The following CDH4 variants were observed in gnomAD, a reference collection of about 807,000 sequenced individuals.
CDH4 encodes the protein cadherin 4.
CDH4 carries 33 observed loss-of-function variants against 86.0 expected under a neutral mutation model. The observed-to-expected ratio is 0.38, with a 90% CI of 0.29 to 0.51. The LOEUF (loss-of-function observed/expected upper bound fraction) is 0.51. Ranked by LOEUF, CDH4 falls within the 20% of genes least tolerant of loss-of-function variation. The probability of loss-of-function intolerance (pLI) is 0.86; values close to 1 mark genes in which losing one functional copy is unlikely to be tolerated. For synonymous variants in CDH4, 555 were observed against 549.4 expected (o/e 1.01, Z -0.14); for missense variants, 1,114 against 1,307.4 (o/e 0.85, Z 2.28).
At chr20:61,389,658 G>A (rs1328209585) in intron 2 of CDH4, among the ~76,000 whole-genome samples, 2 of 152,178 alleles carry the variant, frequency 1.3e-5, no homozygotes, top group African/African-American at 4.8e-5. Context: ...GGAACACACG[G>A]CGATGTCTGG....
intron 2 of CDH4, among the ~76,000 whole-genome samples, chr20:61,583,768 A>G (rs957207496): frequency 3.3e-5 from 5 of 152,238 alleles, no homozygotes; most frequent in Non-Finnish European, 7.3e-5. Flanking sequence ...GCCTGCCCAC[A>G]TGTGTCTGCA....
In CDH4 at chr20:61,684,988, G is replaced by A. The variant is rs6121760; in HGVS notation, c.170-58575G>A. Among the ~76,000 whole-genome samples, 3,747 of 152,262 alleles carry A rather than the reference G, an allele frequency of 0.025. 71 individuals are homozygous for A. Among genetic ancestry groups the A allele is most frequent in the Non-Finnish European group, 0.041 (2,775 of 68,018 alleles). ...AGAGTTCCATGTATAGTGTAGAGTT[G>A]AGTATATGTTACAGAGAGCAACTGT... On this transcript the variant is annotated intron_variant, in intron 2 of 15. Coordinates refer to ENST00000614565, the MANE Select transcript of CDH4 (RefSeq NM_001794.5). The surrounding 1 kb of genome is among the most constrained non-coding windows in gnomAD (Gnocchi z 4.5).
At chr20:61,577,216 T>C (rs1208185455) in intron 2 of CDH4, among the ~76,000 whole-genome samples, 2 of 151,882 alleles carry the variant, frequency 1.3e-5, no homozygotes, top group Non-Finnish European at 2.9e-5. Context: ...GTTTGTGTGT[T>C]GAAGGATGAG....
rs949356347 is a variant in CDH4 at position 61,516,462 on chromosome 20, G to A, written c.170-227101G>A. On this transcript the variant is annotated intron_variant, in intron 2 of 15. Transcript: ENST00000614565. This position sits in a 1 kb window ranked among gnomAD's most constrained non-coding sequence, Gnocchi z 4.0. ...CGCTGCGGCTTCCATTTTACAGACC[G>A]GGAGGCAGAGCCCCAGAGGTCAAGC... 2.0e-5 allele frequency among the ~76,000 whole-genome samples: 3 copies of A among 152,094 alleles called. No individual in the cohort carries two copies. Among genetic ancestry groups the A allele is most frequent in the Admixed American group, 1.3e-4 (2 of 15,270 alleles).
At chr20:61,922,159 G>A (rs1421160580) in intron 9 of CDH4, among the ~76,000 whole-genome samples, 3 of 152,160 alleles carry the variant, frequency 2.0e-5, no homozygotes, top group Admixed American at 1.3e-4. Context: ...CAGATACTAC[G>A]CAATGAATAC....
At chr20:61,711,336 C>A (rs564921641) in intron 2 of CDH4, among the ~76,000 whole-genome samples, 1 of 152,334 alleles carries the variant, frequency 6.6e-6, no homozygotes, top group South Asian at 2.1e-4. Flanking sequence ...CTTCCCTTTA[C>A]AAATCACCCA....
chr20:61,281,745 C>T (rs1185022465), intron 2 of CDH4, among the ~76,000 whole-genome samples: 1 of 152,244 alleles, frequency 6.6e-6, no homozygotes, highest in Non-Finnish European at 1.5e-5. Context: ...GGCATTCCCG[C>T]CACCTCCTCC....
intron 2 of CDH4, among the ~76,000 whole-genome samples, chr20:61,726,176 T>C (rs977384224): frequency 6.6e-6 from 1 of 151,998 alleles, no homozygotes; most frequent in Non-Finnish European, 1.5e-5. Flanking sequence ...AACAAGTGTG[T>C]CTGGGTACCC....
rs913392376 is a variant in CDH4 at position 61,852,674 on chromosome 20, A to G, written c.733-80A>G. On this transcript the variant is annotated intron_variant, in intron 5 of 15. Coordinates refer to ENST00000614565, the MANE Select transcript of CDH4 (RefSeq NM_001794.5). Reference sequence around the variant, plus strand: ...GCTTCTGCCATCAGTCTCCTACCCCAGCACCGCGGGTCCCAGGCCGCTCTC... The same window carrying G: ...GCTTCTGCCATCAGTCTCCTACCCCGGCACCGCGGGTCCCAGGCCGCTCTC... The G allele has an allele frequency of 1.4e-5, 20 of 1,477,914 alleles. No individual in the cohort carries two copies. The Admixed American group carries it at 4.1e-4, about 30-fold the overall frequency. 91.6% of individuals were successfully genotyped at this position (1,477,914 alleles called of 1,614,324 possible).
chr20:61,870,314 C>G (rs1414452060), intron 6 of CDH4, among the ~76,000 whole-genome samples: 1 of 152,222 alleles, frequency 6.6e-6, no homozygotes, highest in Non-Finnish European at 1.5e-5. Context: ...CAGCTGGGCA[C>G]AGGGTGGGGA....
intron 2 of CDH4, among the ~76,000 whole-genome samples, chr20:61,642,267 C>G (rs2145803427): frequency 6.6e-6 from 1 of 152,282 alleles, no homozygotes; most frequent in East Asian, 1.9e-4. Flanking sequence ...GCAAAAGTGC[C>G]TGAGGCCCAC....
chr20:61,539,992 GC>G (rs2145654259), intron 2 of CDH4, among the ~76,000 whole-genome samples: 1 of 152,316 alleles, frequency 6.6e-6, no homozygotes, highest in East Asian at 1.9e-4. Context: ...CCTCCCCGAT[GC>G]CCGCAGCGTT....
chr20:61,681,180 A>G lies in CDH4; in HGVS notation c.170-62383A>G, dbSNP rs2087509095. Among the ~76,000 whole-genome samples, 1 of 152,168 alleles carries G rather than the reference A, an allele frequency of 6.6e-6. No individual in the cohort carries two copies. The highest frequency in any genetic ancestry group is 6.5e-5 in the Admixed American group (1 of 15,274). On this transcript the variant is annotated intron_variant, in intron 2 of 15. Coordinates refer to ENST00000614565, the MANE Select transcript of CDH4 (RefSeq NM_001794.5). The surrounding 1 kb of genome is among the most constrained non-coding windows in gnomAD (Gnocchi z 4.5). ...GGTAAAACACCCGCCCTCACGTCCT[A>G]ATGGCTTTTTTTCTCTTTCAGCCAC... is the stretch of plus-strand genomic sequence containing the variant.
intron 2 of CDH4, among the ~76,000 whole-genome samples, chr20:61,689,107 C>T (rs2087623223): frequency 6.6e-6 from 1 of 152,256 alleles, no homozygotes; most frequent in Non-Finnish European, 1.5e-5. Flanking sequence ...TCACACCAGC[C>T]CTATTGCCAC....
chr20:61,418,209 CTT>C lies in CDH4; in HGVS notation c.169+163286_169+163287del, dbSNP rs11475784. ...CAGCCCAAACTTTTTTCTTTTTTTT[CTT>C]TTTTTTTTTTTTTCCCTGAGACAGA... is the stretch of plus-strand genomic sequence containing the variant. On this transcript the variant is annotated intron_variant, in intron 2 of 15. Coordinates refer to ENST00000614565, the MANE Select transcript of CDH4 (RefSeq NM_001794.5). 1.9e-3 allele frequency among the ~76,000 whole-genome samples: 260 copies of C among 134,686 alleles called. 2 individuals carry two copies. The highest frequency in any genetic ancestry group is 7.4e-3 in the Middle Eastern group (2 of 270). 88.4% of individuals were successfully genotyped at this position (134,686 alleles called of 152,430 possible).
intron 2 of CDH4, among the ~76,000 whole-genome samples, chr20:61,381,262 T>C (rs2084899426): frequency 6.6e-6 from 1 of 152,184 alleles, no homozygotes; most frequent in Non-Finnish European, 1.5e-5. Flanking sequence ...TAGGAGTTGC[T>C]GCTTATTTCT....
At chr20:61,795,406 T>G (rs1387311884) in intron 4 of CDH4, among the ~76,000 whole-genome samples, 7 of 152,040 alleles carry the variant, frequency 4.6e-5, no homozygotes, top group Non-Finnish European at 7.4e-5. Context: ...AGATGCAGCC[T>G]CTGCCTTTAA....
intron 2 of CDH4, among the ~76,000 whole-genome samples, chr20:61,411,662 G>A (rs1273616629): frequency 6.6e-6 from 1 of 152,074 alleles, no homozygotes; most frequent in Admixed American, 6.5e-5. Flanking sequence ...AGCTCTCTCT[G>A]ATGCAGAGCA....
chr20:61,413,478 C>T (rs190368686), intron 2 of CDH4, among the ~76,000 whole-genome samples: 97 of 152,254 alleles, frequency 6.4e-4, no homozygotes, highest in African/African-American at 2.2e-3. Flanking sequence ...AACAAGCCCC[C>T]CTGAGCCTCA....
Sources: gnomAD v4.1 joint callset for allele counts (sites outside exome capture counted in the v4.1 genomes callset) on GRCh38, gnomAD v4.1.1 for gene constraint, Gnocchi (gnomAD v3.1) non-coding constraint, MANE v1.5 for transcripts, NCBI Gene and HGNC (gene_info 2026-07-23, HGNC 2026-07-21) for gene names.